SRP68: variants seen among roughly 807,000 people sequenced by gnomAD.
SRP68 encodes signal recognition particle subunit SRP68.
Under a neutral mutation model 82.2 loss-of-function variants are expected in SRP68, and 15 were observed. The ratio of observed to expected loss-of-function variants is 0.18; its 90% CI spans 0.12 to 0.28. The LOEUF (loss-of-function observed/expected upper bound fraction) is 0.28, where lower values mean the gene tolerates loss of function less well. Among genes scored for constraint, SRP68 ranks in the 10% least tolerant of loss-of-function variants. The pLI, the probability that SRP68 is intolerant of heterozygous loss-of-function variation, is 1.00. For missense variants in SRP68, 595 were observed against 780.5 expected (o/e 0.76, Z 2.83); for synonymous variants, 261 against 292.6 (o/e 0.89, Z 1.10).
rs562440144 is a variant in SRP68, at chr17:76,072,516, A to G, written c.-25T>C. On this transcript the variant is annotated 5_prime_UTR_variant, in exon 1 of 16. Transcript: ENST00000307877. This position sits in a 1 kb window ranked among gnomAD's most constrained non-coding sequence, Gnocchi z 4.5. The stretch of plus-strand genomic sequence containing the variant: ...TCTTGCCCCTGCGCCGCAGAGCAAG[A>G]CGGGATAGGGGAGGCGGGACGACCT... 1.3e-6 allele frequency: 2 copies of G among 1,575,978 alleles called. No individual in the cohort carries two copies. The highest frequency in any genetic ancestry group is 2.3e-5 in the South Asian group (2 of 87,490).
At chr17:76,045,693 C>G (rs997063331) in intron 11 of SRP68, among the ~76,000 whole-genome samples, 2 of 152,188 alleles carry the variant, frequency 1.3e-5, no homozygotes, top group Non-Finnish European at 2.9e-5. Context: ...TTAGCATCTA[C>G]TCAGATGCCT....
chr17:76,060,521 C>T (rs1212226798), intron 6 of SRP68, 131 bp from the exon 7 acceptor site: 1 of 624,446 alleles, frequency 1.6e-6, no homozygotes, highest in African/African-American at 1.8e-5. Flanking sequence ...ACAATCTGTT[C>T]TCTGAAGACA....
intron 13 of SRP68, 27 bp downstream of exon 13, chr17:76,043,802 G>A: frequency 6.4e-7 from 1 of 1,566,180 alleles, no homozygotes; most frequent in Non-Finnish European, 8.6e-7. Context: ...GCCAGGGCTT[G>A]CAAACAAGGA....
At chr17:76,066,838 G>C (rs1041695758) in intron 3 of SRP68, among the ~76,000 whole-genome samples, 1 of 150,732 alleles carries the variant, frequency 6.6e-6, no homozygotes, top group African/African-American at 2.4e-5. Flanking sequence ...AGTAATTCTT[G>C]TGCCTCAGCC....
At chr17:76,063,528 AAAT>A (rs2066784891) in intron 4 of SRP68, among the ~76,000 whole-genome samples, 1 of 152,076 alleles carries the variant, frequency 6.6e-6, no homozygotes, top group Admixed American at 6.6e-5. Context: ...TCTCTACTAA[AAAT>A]AAAAAAATTA....
intron 8 of SRP68, among the ~76,000 whole-genome samples, chr17:76,053,266 A>C (rs2066688362): frequency 2.8e-5 from 1 of 35,136 alleles, no homozygotes; most frequent in Non-Finnish European, 4.3e-5. Flanking sequence ...ACCCTGTCTC[A>C]AAAAAAAAAA....
intron 2 of SRP68, among the ~76,000 whole-genome samples, chr17:76,067,731 G>A (rs1407274630): frequency 6.6e-6 from 1 of 152,158 alleles, no homozygotes. Context: ...CTTCCAAAGT[G>A]CTGGGATTAC....
At chr17:76,069,343 G>A (rs558677803) in intron 2 of SRP68, among the ~76,000 whole-genome samples, 6 of 151,940 alleles carry the variant, frequency 3.9e-5, no homozygotes, top group South Asian at 2.1e-4. Flanking sequence ...CACCGAGATC[G>A]TGCCACTGCA....
chr17:76,045,147 A>G, intron 12 of SRP68, 145 bp downstream of exon 12: 2 of 647,932 alleles, frequency 3.1e-6, no homozygotes, highest in Non-Finnish European at 5.5e-6. Context: ...CCCCTTGAAC[A>G]TGCTGGGCTG....
intron 13 of SRP68, chr17:76,043,589 G>A (rs1287844168): frequency 7.1e-6 from 2 of 280,038 alleles, no homozygotes; most frequent in African/African-American, 4.5e-5. Context: ...GGTGGTTTTT[G>A]TTTCTTTTAA....
At chr17:76,061,395 C>T (rs2066751253) in intron 5 of SRP68, 97 bp downstream of exon 5, 1 of 1,150,918 alleles carries the variant, frequency 8.7e-7, no homozygotes, top group Non-Finnish European at 1.3e-6. Context: ...GAAAAGTCAC[C>T]CTCACTTTCA....
intron 5 of SRP68, 40 bp downstream of exon 5, chr17:76,061,452 T>C (rs766806287): frequency 1.9e-6 from 3 of 1,545,894 alleles, no homozygotes; most frequent in Admixed American, 1.7e-5. Context: ...TGACAATCTG[T>C]AATTAAAACT....
chr17:76,061,071 T>C, intron 6 of SRP68, 39 bp downstream of exon 6: 1 of 1,235,914 alleles, frequency 8.1e-7, no homozygotes, highest in Non-Finnish European at 1.2e-6. Flanking sequence ...CATCTATCAA[T>C]GTTCAAGTTG....
intron 4 of SRP68, among the ~76,000 whole-genome samples, chr17:76,062,525 T>C (rs1377809215): frequency 9.2e-6 from 1 of 108,304 alleles, no homozygotes; most frequent in Non-Finnish European, 1.8e-5. Context: ...CATTATATAT[T>C]ATATAATATA....
intron 13 of SRP68, chr17:76,041,508 T>G (rs2066590060): frequency 6.6e-6 from 1 of 152,550 alleles, no homozygotes; most frequent in Admixed American, 6.5e-5. Flanking sequence ...ATATTGGGAA[T>G]GACCTGAGAA....
At chr17:76,053,682 G>A (rs2066692373) in intron 8 of SRP68, 17 of 982,448 alleles carry the variant, frequency 1.7e-5, no homozygotes, top group Non-Finnish European at 1.9e-5. Flanking sequence ...ACTTAAGTCA[G>A]TTGTGTTTTT....
Position 76,071,649 on chromosome 17 carries a change from T to C in SRP68, c.184+659A>G, listed in dbSNP as rs867929300. 3.2e-4 allele frequency among the ~76,000 whole-genome samples: 49 copies of C among 152,348 alleles called. No homozygotes were observed. In the Middle Eastern group the frequency reaches 0.01, roughly 32 times the overall value. ...CAGAAACTCGCCTACGTTTTCTCCATTTGTTATTCATTTCAAAAGGTCACA... is the reference window on the plus strand; with the variant it reads ...CAGAAACTCGCCTACGTTTTCTCCACTTGTTATTCATTTCAAAAGGTCACA... On this transcript the variant is annotated intron_variant, in intron 1 of 15. Transcript: ENST00000307877. This position sits in a 1 kb window ranked among gnomAD's most constrained non-coding sequence, Gnocchi z 4.7.
Position 76,067,201 on chromosome 17 carries a change from A to G in SRP68, c.365+16T>C. The G allele has an allele frequency of 6.3e-7, 1 of 1,579,504 alleles. No individual in the cohort carries two copies. Among genetic ancestry groups the G allele is most frequent in the Non-Finnish European group, 8.7e-7 (1 of 1,148,736 alleles). On this transcript the variant is annotated intron_variant, in intron 3 of 15. Coordinates refer to ENST00000307877, the MANE Select transcript of SRP68 (RefSeq NM_014230.4). Reference sequence around the variant, plus strand: ...TAGCAAGAAGTAATTTGCAACTAGCATGGAGCAGTCAATACCTATTATCGG... The same window carrying G: ...TAGCAAGAAGTAATTTGCAACTAGCGTGGAGCAGTCAATACCTATTATCGG...
chr17:76,048,850 A>G (rs1219971802), intron 9 of SRP68: 2 of 152,244 alleles, frequency 1.3e-5, no homozygotes, highest in African/African-American at 2.4e-5. Flanking sequence ...GTGTCTCCCA[A>G]CTGCTATGCA....
Sources: gnomAD v4.1 joint callset for allele counts (sites outside exome capture counted in the v4.1 genomes callset) on GRCh38, gnomAD v4.1.1 for gene constraint, Gnocchi (gnomAD v3.1) non-coding constraint, MANE v1.5 for transcripts, NCBI Gene and HGNC (gene_info 2026-07-23, HGNC 2026-07-21) for gene names.